The following PDE4D variants were observed in gnomAD, a reference collection of about 807,000 sequenced individuals.
PDE4D encodes the protein 3',5'-cyclic-AMP phosphodiesterase 4D.
In PDE4D, 24 loss-of-function variants were observed where a neutral mutation model predicts 87.4. The ratio of observed to expected loss-of-function variants is 0.27; its 90% CI spans 0.20 to 0.39. The LOEUF is 0.39. Ranked by LOEUF, PDE4D falls within the 10% of genes least tolerant of loss-of-function variation. PDE4D has a pLI of 1.00. For synonymous variants in PDE4D, 384 were observed against 383.2 expected (o/e 1.00, Z -0.02); for missense variants, 714 against 1,041.0 (o/e 0.69, Z 4.32).
At chr5:59,782,535 G>A (rs752242576) in intron 1 of PDE4D, among the ~76,000 whole-genome samples, 2 of 152,162 alleles carry the variant, frequency 1.3e-5, no homozygotes, top group African/African-American at 4.8e-5. Context: ...TGTCTTAATA[G>A]CATGTTTCAC....
At chr5:60,341,528 C>A (rs1017422595) in intron 1 of PDE4D, among the ~76,000 whole-genome samples, 9 of 152,130 alleles carry the variant, frequency 5.9e-5, no homozygotes, top group African/African-American at 2.2e-4. Context: ...GTGTGTGACT[C>A]AAATCTGAAT....
intron 1 of PDE4D, among the ~76,000 whole-genome samples, chr5:59,239,092 A>G (rs1472006960): frequency 6.6e-6 from 1 of 152,212 alleles, no homozygotes; most frequent in Non-Finnish European, 1.5e-5. Flanking sequence ...CCTTTGCTGG[A>G]GCTAAAGTAA....
At chr5:60,074,199 T>A (rs1405160067) in intron 2 of PDE4D, among the ~76,000 whole-genome samples, 3 of 152,190 alleles carry the variant, frequency 2.0e-5, no homozygotes, top group African/African-American at 7.2e-5. Context: ...GCCTTAGCTG[T>A]GTCCCAGAGA....
intron 1 of PDE4D, among the ~76,000 whole-genome samples, chr5:59,838,206 C>T (rs1227556919): frequency 1.3e-5 from 2 of 151,920 alleles, no homozygotes; most frequent in African/African-American, 2.4e-5. Context: ...GCTTACTACA[C>T]CTCCTTCATC....
chr5:59,057,102 GA>G (rs1269811945), intron 5 of PDE4D, among the ~76,000 whole-genome samples: 2 of 152,278 alleles, frequency 1.3e-5, no homozygotes, highest in African/African-American at 4.8e-5. Context: ...CTCCTTCACG[GA>G]AACCTGGCAC....
At chr5:60,147,808 C>A in intron 2 of PDE4D, 1 of 455,616 alleles carries the variant, frequency 2.2e-6, no homozygotes, top group Non-Finnish European at 4.4e-6. Context: ...CATATTTTAC[C>A]ATGTGGCCTT....
intron 1 of PDE4D, among the ~76,000 whole-genome samples, chr5:60,432,393 T>C (rs1166327594): frequency 6.6e-6 from 1 of 152,230 alleles, no homozygotes; most frequent in Non-Finnish European, 1.5e-5. Context: ...CAAGGCTTTT[T>C]CTGGCTGGTA....
At chr5:59,624,824 C>G (rs1830712584) in intron 1 of PDE4D, among the ~76,000 whole-genome samples, 1 of 152,176 alleles carries the variant, frequency 6.6e-6, no homozygotes, top group Admixed American at 6.5e-5. Flanking sequence ...CCTAAAAAGT[C>G]AACATGTGAC....
intron 1 of PDE4D, among the ~76,000 whole-genome samples, chr5:59,437,478 A>G (rs1796945875): frequency 6.6e-6 from 1 of 152,210 alleles, no homozygotes; most frequent in South Asian, 2.1e-4. Flanking sequence ...CAAATGTATC[A>G]TTATAAAGTT....
At chr5:59,817,753 CA>C (rs1769160635) in intron 1 of PDE4D, among the ~76,000 whole-genome samples, 3 of 148,706 alleles carry the variant, frequency 2.0e-5, no homozygotes, top group East Asian at 2.0e-4. Flanking sequence ...CCCCCCCCCA[CA>C]CACACACAGA....
At chr5:60,045,612 A>T (rs1280537008) in intron 2 of PDE4D, among the ~76,000 whole-genome samples, 1 of 152,216 alleles carries the variant, frequency 6.6e-6, no homozygotes, top group African/African-American at 2.4e-5. Context: ...CCATTTATTA[A>T]ATAGGGAATC....
In PDE4D at chr5:60,473,231, AGAAG is replaced by A. The variant is rs976796179; in HGVS notation, c.-90+14707_-90+14710del. Among the ~76,000 whole-genome samples, 43 of 150,314 alleles carry A rather than the reference AGAAG, an allele frequency of 2.9e-4. 1 individual carries two copies. Among genetic ancestry groups the A allele is most frequent in the Non-Finnish European group, 1.3e-4 (9 of 67,516 alleles). On this transcript the variant is annotated intron_variant, in intron 1 of 16. Transcript: ENST00000502484. Reference sequence around the variant, plus strand: ...AAAAGAAAGAGAAAGAAAGAAGGAAAGAAGGAAGGAAGGAAAGGAAGGAAGGAAG... The same window carrying A: ...AAAAGAAAGAGAAAGAAAGAAGGAAAGAAGGAAGGAAAGGAAGGAAGGAAG...
At chr5:59,090,482 G>A (rs1246795721) in intron 5 of PDE4D, among the ~76,000 whole-genome samples, 1 of 152,088 alleles carries the variant, frequency 6.6e-6, no homozygotes, top group African/African-American at 2.4e-5. Context: ...AAGATGCTCT[G>A]AAGATTAGTG....
At chr5:60,470,351 A>G (rs1561291228) in intron 1 of PDE4D, among the ~76,000 whole-genome samples, 1 of 152,236 alleles carries the variant, frequency 6.6e-6, no homozygotes, top group Non-Finnish European at 1.5e-5. Context: ...AAGGTGAAGC[A>G]GCAAATGCTG....
At chr5:59,564,338 G>A (rs1383937183) in intron 1 of PDE4D, among the ~76,000 whole-genome samples, 1 of 152,184 alleles carries the variant, frequency 6.6e-6, no homozygotes, top group Non-Finnish European at 1.5e-5. Context: ...AAACTTCTAT[G>A]AGCTCAGTTC....
chr5:59,030,760 T>G (rs982469669), intron 6 of PDE4D, among the ~76,000 whole-genome samples: 4 of 152,086 alleles, frequency 2.6e-5, no homozygotes. Context: ...ACAATATCTC[T>G]AATTCTCAGG....
chr5:59,893,410 A>G lies in PDE4D; in HGVS notation c.213T>C (p.Cys71=), dbSNP rs2152756415. The G allele has an allele frequency of 7.1e-7, 1 of 1,414,884 alleles. No homozygotes were observed. The highest frequency in any genetic ancestry group is 9.3e-7 in the Non-Finnish European group (1 of 1,074,752). The allele number at this position is 1,414,884 out of a possible 1,614,324, so 87.6% of individuals were successfully genotyped here. A position where few individuals can be genotyped will look rare whatever the true frequency, so the allele number is the denominator to read the frequency against. The change falls in exon 1 of 15, where the codon TGT becomes TGC. Residue 71 remains cysteine (C), a synonymous_variant. Transcript: ENST00000340635. ...GGGGCGGCGGCGGCGGCTGTAGCGG[A>G]CACTGGGGCTGGGGCTGGGGCGAGG... The part of the protein sequence containing the change: ...PPPSPQPQPQ[C]PLQPPPPPPL...
rs1031171689 is a variant in PDE4D at position 59,386,513 on chromosome 5, T to C, written c.456-170545A>G. ...CGGCAGTTAATATCAGAGTAAGCCA[T>C]GTTTTAGAATATGACTTGGGCCTGG... On this transcript the variant is annotated intron_variant, in intron 1 of 14. Coordinates refer to ENST00000340635, the MANE Select transcript of PDE4D (RefSeq NM_001104631.2). 8.0e-5 allele frequency among the ~76,000 whole-genome samples: 12 copies of C among 149,766 alleles called. No individual in the cohort carries two copies. In the South Asian group the frequency reaches 1.3e-3, roughly 16 times the overall value.
chr5:59,435,353 G>C (rs1796652253), intron 1 of PDE4D, among the ~76,000 whole-genome samples: 1 of 151,996 alleles, frequency 6.6e-6, no homozygotes, highest in Admixed American at 6.6e-5. Flanking sequence ...CTATTGTTTT[G>C]CTCTCCCTTC....
Sources: allele counts gnomAD v4.1 joint callset (sites outside exome capture counted in the v4.1 genomes callset), GRCh38; gene constraint gnomAD v4.1.1; transcripts MANE v1.5; gene names NCBI Gene and HGNC (gene_info 2026-07-23, HGNC 2026-07-21).